The following FSTL4 variants were observed in gnomAD, a reference collection of about 807,000 sequenced individuals.
FSTL4 encodes the protein follistatin like 4.
Under a neutral mutation model 78.2 loss-of-function variants are expected in FSTL4, and 28 were observed. The observed-to-expected ratio is 0.36, with a 90% CI of 0.27 to 0.49. The LOEUF is 0.49. Among genes scored for constraint, FSTL4 ranks in the 20% least tolerant of loss-of-function variants. FSTL4 has a pLI of 0.98. For missense variants in FSTL4, 922 were observed against 1,084.9 expected, an observed-to-expected ratio of 0.85 and a Z score of 2.11; for synonymous variants, 422 against 440.5, an observed-to-expected ratio of 0.96 and a Z score of 0.53.
chr5:133,630,618 T>G, the FSTL4 span, among the ~76,000 whole-genome samples: 1 of 152,218 alleles, frequency 6.6e-6, no homozygotes, highest in Non-Finnish European at 1.5e-5. Context: ...ACCACTGACT[T>G]TCTTTACAGA....
intron 4 of FSTL4, among the ~76,000 whole-genome samples, chr5:133,395,211 G>A (rs189095999): frequency 0.016 from 2,380 of 152,204 alleles, 37 homozygotes; most frequent in Non-Finnish European, 0.021. Flanking sequence ...TTGTTCTTTC[G>A]CTCTTTGCAA....
At chr5:133,377,716 A>G (rs1398403924) in intron 4 of FSTL4, among the ~76,000 whole-genome samples, 1 of 152,180 alleles carries the variant, frequency 6.6e-6, no homozygotes, top group Non-Finnish European at 1.5e-5. Flanking sequence ...AGAAAAGAGA[A>G]AGGAACAGAA....
chr5:133,197,201 CAA>C lies in FSTL4; in HGVS notation c.*1892_*1893del, dbSNP rs368461390. Reference sequence around the variant, plus strand: ...GGGGCTGATACAATGGAAATTTTTCCAAAAAAAAGTTTATGAAAGTTGGAGAA... The same window carrying C: ...GGGGCTGATACAATGGAAATTTTTCCAAAAAAGTTTATGAAAGTTGGAGAA... On this transcript the variant is annotated 3_prime_UTR_variant, in exon 16 of 16. Transcript: ENST00000265342. 9 of 150,260 alleles carry C rather than the reference CAA, an allele frequency of 6.0e-5. No individual in the cohort carries two copies. The highest frequency in any genetic ancestry group is 2.2e-4 in the African/African-American group (9 of 40,768). The allele number at this position is 150,260 out of a possible 1,614,324, so 9.3% of individuals were successfully genotyped here. A position where few individuals can be genotyped will look rare whatever the true frequency, so the allele number is the denominator to read the frequency against.
At chr5:133,810,688 C>T in the FSTL4 span, among the ~76,000 whole-genome samples, 6 of 152,126 alleles carry the variant, frequency 3.9e-5, no homozygotes, top group African/African-American at 9.7e-5. Flanking sequence ...CCCAAAGATT[C>T]GTTGGACCAG....
At chr5:133,499,987 AC>A (rs1454888773) in intron 3 of FSTL4, among the ~76,000 whole-genome samples, 1 of 151,936 alleles carries the variant, frequency 6.6e-6, no homozygotes, top group Non-Finnish European at 1.5e-5. Flanking sequence ...CCTTTTTATC[AC>A]CTCTCATGGG....
the FSTL4 span, among the ~76,000 whole-genome samples, chr5:133,810,790 C>T: frequency 6.6e-6 from 1 of 152,194 alleles, no homozygotes; most frequent in South Asian, 2.1e-4. Flanking sequence ...ACCATGTTGC[C>T]TGTTCCTCAC....
At chr5:133,735,332 G>A in the FSTL4 span, among the ~76,000 whole-genome samples, 1 of 152,274 alleles carries the variant, frequency 6.6e-6, no homozygotes, top group South Asian at 2.1e-4. Flanking sequence ...GCATGGTGGT[G>A]TGTGCCTATT....
At chr5:133,703,066 C>A in the FSTL4 span, among the ~76,000 whole-genome samples, 1 of 152,202 alleles carries the variant, frequency 6.6e-6, no homozygotes, top group African/African-American at 2.4e-5. Flanking sequence ...AAGAGGCCTG[C>A]AAAGTCTTAA....
Position 133,262,574 on chromosome 5 carries a change from G to A in FSTL4, c.728-12998C>T, listed in dbSNP as rs932752553. 2.0e-5 allele frequency among the ~76,000 whole-genome samples: 3 copies of A among 152,240 alleles called. No homozygotes were observed. The South Asian group carries it at 6.2e-4, about 32-fold the overall frequency. ...CCAACCACATTCAGCATAAAGCTCCGACCACAATCCCTTCTCCTTCCAAGC... is the reference window on the plus strand; with the variant it reads ...CCAACCACATTCAGCATAAAGCTCCAACCACAATCCCTTCTCCTTCCAAGC... On this transcript the variant is annotated intron_variant, in intron 6 of 15. Transcript: ENST00000265342.
chr5:133,314,656 G>T (rs147994356), intron 5 of FSTL4, among the ~76,000 whole-genome samples: 1,985 of 152,024 alleles, frequency 0.013, 22 homozygotes, highest in Non-Finnish European at 0.021. Flanking sequence ...GCCTGCCAGG[G>T]TTTCATCTCA....
chr5:133,355,472 A>G (rs1030428031), intron 4 of FSTL4, among the ~76,000 whole-genome samples: 3 of 152,184 alleles, frequency 2.0e-5, no homozygotes, highest in African/African-American at 4.8e-5. Context: ...CCTGGCCAAC[A>G]TGGTGAAACC....
rs551634775 is a variant in FSTL4 at position 133,352,359 on chromosome 5, C to T, written c.410-35707G>A. ...ATATATATACACATATATATACACA[C>T]ACATATATATACACATATATATATA... On this transcript the variant is annotated intron_variant, in intron 4 of 15. Coordinates refer to ENST00000265342, the MANE Select transcript of FSTL4 (RefSeq NM_015082.2). 2.3e-3 allele frequency among the ~76,000 whole-genome samples: 342 copies of T among 148,960 alleles called. 1 individual carries two copies. Among genetic ancestry groups the T allele is most frequent in the African/African-American group, 7.3e-3 (293 of 40,308 alleles).
the FSTL4 span, among the ~76,000 whole-genome samples, chr5:133,619,443 A>G: frequency 6.6e-6 from 1 of 152,200 alleles, no homozygotes; most frequent in African/African-American, 2.4e-5. Flanking sequence ...AAAGAAGTCG[A>G]AATGTAAATA....
intron 5 of FSTL4, among the ~76,000 whole-genome samples, chr5:133,315,127 A>C (rs1210229787): frequency 6.6e-6 from 1 of 152,136 alleles, no homozygotes; most frequent in Non-Finnish European, 1.5e-5. Flanking sequence ...GCGCTACTGC[A>C]CTCCAGTCTG....
the FSTL4 span, among the ~76,000 whole-genome samples, chr5:133,831,926 C>T: frequency 2.0e-5 from 3 of 152,160 alleles, no homozygotes; most frequent in East Asian, 1.9e-4. Flanking sequence ...AGGTAGGGCA[C>T]GCCTGAGCTG....
intron 6 of FSTL4, among the ~76,000 whole-genome samples, chr5:133,292,513 T>C (rs1383039267): frequency 6.7e-6 from 1 of 149,552 alleles, no homozygotes; most frequent in Non-Finnish European, 1.5e-5. Flanking sequence ...TCATGATTCA[T>C]CACAGTGGTG....
the FSTL4 span, among the ~76,000 whole-genome samples, chr5:133,830,472 G>A: frequency 6.6e-6 from 1 of 152,198 alleles, no homozygotes; most frequent in Non-Finnish European, 1.5e-5. Flanking sequence ...GCAAGGCCCT[G>A]CCTCACTGTA....
chr5:133,661,138 G>A, the FSTL4 span, among the ~76,000 whole-genome samples: 14,235 of 152,198 alleles, frequency 0.094, 809 homozygotes, highest in South Asian at 0.17. Context: ...TTACAGATGC[G>A]CGCCATCATG....
intron 2 of FSTL4, among the ~76,000 whole-genome samples, chr5:133,571,039 T>C (rs896501788): frequency 6.6e-6 from 1 of 151,932 alleles, no homozygotes; most frequent in Admixed American, 6.6e-5. Flanking sequence ...TATATGATTA[T>C]GCCTGAGCTA....
Sources: allele counts gnomAD v4.1 joint callset (sites outside exome capture counted in the v4.1 genomes callset), GRCh38; gene constraint gnomAD v4.1.1; transcripts MANE v1.5; gene names NCBI Gene and HGNC (gene_info 2026-07-23, HGNC 2026-07-21).